Variants in NOC2L observed in about 807,000 individuals in gnomAD.
The protein encoded by NOC2L is NOC2 like nucleolar associated transcriptional repressor.
NOC2L carries 101 observed loss-of-function variants against 94.2 expected under a neutral mutation model. The observed-to-expected ratio is 1.07, with a 90% CI of 0.91 to 1.26. The LOEUF (loss-of-function observed/expected upper bound fraction) is 1.26. NOC2L is among the 50% of genes most tolerant of loss of function. The probability of loss-of-function intolerance (pLI) is 0.00; values close to 1 mark genes in which losing one functional copy is unlikely to be tolerated. For synonymous variants in NOC2L, 531 were observed against 413.4 expected (o/e 1.28, Z -3.45); for missense variants, 1,076 against 980.1 (o/e 1.10, Z -1.31).
intron 2 of NOC2L, chr1:958,090 G>A (rs1389114016): frequency 3.5e-5 from 5 of 142,020 alleles, no homozygotes; most frequent in Non-Finnish European, 1.5e-5. Flanking sequence ...TTCTCCTGAG[G>A]CGGAATCTCA....
intron 11 of NOC2L, 81 bp from the exon 12 acceptor site, chr1:951,319 C>T: frequency 1.9e-6 from 2 of 1,063,896 alleles, no homozygotes; most frequent in East Asian, 2.6e-5. Flanking sequence ...GGACCTCCTC[C>T]CCCACTCACC....
At position 948,160 on chromosome 1, in the gene NOC2L, G is replaced by A; in HGVS notation, c.1630C>T (p.Pro544Ser). 2 of 1,592,076 alleles carry A rather than the reference G, an allele frequency of 1.3e-6. No homozygotes were observed. The highest frequency in any genetic ancestry group is 2.3e-5 in the East Asian group (1 of 43,882). The stretch of plus-strand genomic sequence containing the variant: ...AGGACCACAGGCAGCACCAGCTCCG[G>A]GAAGCCGATGCAGTGTGCCTGGCTG... Reference protein sequence around the residue: ...LHSQAHCIGFPELVLPVVLQL... With the variant: ...LHSQAHCIGFSELVLPVVLQL... Residue 544 changes from proline to serine, a missense_variant, in exon 14 of 19, where the codon CCG becomes TCG. Physicochemically the swap from Pro to Ser is moderately conservative, Grantham distance 74. Around this residue, in one of 3 missense-constraint regions of NOC2L, gnomAD observed 615 missense variants for 577.4 expected, o/e 1.07. Coordinates refer to ENST00000327044, the MANE Select transcript of NOC2L (RefSeq NM_015658.4).
chr1:945,786 C>T lies in NOC2L; in HGVS notation c.1918-133G>A, dbSNP rs1642090519. The T allele has an allele frequency of 5.4e-6, 6 of 1,118,064 alleles. No homozygotes were observed. The Admixed American group carries it at 6.3e-5, about 12-fold the overall frequency. The allele number at this position is 1,118,064 out of a possible 1,614,324, so 69.3% of individuals were successfully genotyped here. A position where few individuals can be genotyped will look rare whatever the true frequency, so the allele number is the denominator to read the frequency against. On this transcript the variant is annotated intron_variant, in intron 16 of 18. Coordinates refer to ENST00000327044, the MANE Select transcript of NOC2L (RefSeq NM_015658.4). ...TCTAGTCCCCTCTGTTCCCAAATCA[C>T]AAAGCCATCCTCCAAGTTGTCCATC...
intron 10 of NOC2L, 69 bp downstream of exon 10, chr1:952,343 C>A (rs958642510): frequency 1.3e-6 from 2 of 1,572,134 alleles, no homozygotes; most frequent in Non-Finnish European, 8.7e-7. Context: ...CCAGGCCCTG[C>A]CTTGGGTCGG....
At position 956,752 on chromosome 1, in the gene NOC2L, AGCCTCAGGC is replaced by A. The variant is rs1427575619; in HGVS notation, c.486+133_486+141del. 6.6e-6 allele frequency: 8 copies of A among 1,212,300 alleles called. No individual in the cohort carries two copies. The East Asian group carries it at 1.2e-4, about 18-fold the overall frequency. 75.1% of individuals were successfully genotyped at this position (1,212,300 alleles called of 1,614,324 possible). On this transcript the variant is annotated intron_variant, in intron 4 of 18. Transcript: ENST00000327044. ...GGAGAACAGCCCCTCCCACCAGCAC[AGCCTCAGGC>A]GCCTCAGGTGAGGCAAGGCCAGATC...
intron 8 of NOC2L, 149 bp from the exon 9 acceptor site, chr1:953,437 A>T (rs1452809321): frequency 3.2e-6 from 2 of 627,662 alleles, no homozygotes; most frequent in Non-Finnish European, 5.8e-6. Context: ...TTAGGTGCTC[A>T]GTTACAGAAG....
Position 948,536 on chromosome 1 carries a change from A to G in NOC2L, c.1511T>C (p.Val504Ala). The G allele has an allele frequency of 1.2e-6, 2 of 1,613,618 alleles. No homozygotes were observed. The highest frequency in any genetic ancestry group is 1.7e-6 in the Non-Finnish European group (2 of 1,179,956). The change falls in exon 13 of 19, where the codon GTG (valine) becomes GCG (alanine). Residue 504 changes from valine to alanine, a missense_variant. Val to Ala is a moderately conservative substitution (Grantham distance 64). Coordinates refer to ENST00000327044, the MANE Select transcript of NOC2L (RefSeq NM_015658.4). Reference sequence around the variant, plus strand: ...GTTGACATTGGACAGCTTCAGGATCACGGAGAAGTTGATGGGCTTGGAGCT... The same window carrying G: ...GTTGACATTGGACAGCTTCAGGATCGCGGAGAAGTTGATGGGCTTGGAGCT... The part of the protein sequence containing the change: ...RMSSKPINFS[V>A]ILKLSNVNLQ...
chr1:953,749 T>C (rs369398885), intron 8 of NOC2L, 33 bp downstream of exon 8: 7 of 1,518,108 alleles, frequency 4.6e-6, no homozygotes, highest in Non-Finnish European at 2.7e-6. Context: ...CCCGACCCCA[T>C]GACAGACACA....
Position 956,640 on chromosome 1 carries a change from G to A in NOC2L, c.486+254C>T, listed in dbSNP as rs566606338. 2.0e-5 allele frequency among the ~76,000 whole-genome samples: 3 copies of A among 152,286 alleles called. No homozygotes were observed. The East Asian group carries it at 5.8e-4, about 30-fold the overall frequency. ...GAGCCCCTGGAATCTACCCAAAAGT[G>A]AACACACAGTCCTGGGGCAACCAAG... On this transcript the variant is annotated intron_variant, in intron 4 of 18. Coordinates refer to ENST00000327044, the MANE Select transcript of NOC2L (RefSeq NM_015658.4).
At chr1:953,033 C>T (rs980605456) in intron 9 of NOC2L, 142 bp downstream of exon 9, 7 of 644,558 alleles carry the variant, frequency 1.1e-5, no homozygotes, top group South Asian at 1.9e-5. Context: ...GTGAGACATT[C>T]GTGATCCAAG....
chr1:945,771 T>C lies in NOC2L; in HGVS notation c.1918-118A>G, dbSNP rs114362907. On this transcript the variant is annotated intron_variant, in intron 16 of 18. Transcript: ENST00000327044. The stretch of plus-strand genomic sequence containing the variant: ...CCCATGTGGCCAATTTCTAGTCCCC[T>C]CTGTTCCCAAATCACAAAGCCATCC... The C allele has an allele frequency of 2.2e-3, 2,763 of 1,266,166 alleles. 23 individuals are homozygous for C. The highest frequency in any genetic ancestry group is 0.021 in the African/African-American group (1,404 of 67,256). 78.4% of individuals were successfully genotyped at this position (1,266,166 alleles called of 1,614,324 possible).
chr1:956,036 T>C (rs373456394), intron 5 of NOC2L, 23 bp from the exon 6 acceptor site: 72 of 1,613,914 alleles, frequency 4.5e-5, no homozygotes, highest in Non-Finnish European at 5.9e-5. Context: ...GGCCTGGATG[T>C]ACTCACGGGA....
intron 6 of NOC2L, among the ~76,000 whole-genome samples, chr1:954,826 G>C (rs965054190): frequency 1.3e-5 from 2 of 151,006 alleles, no homozygotes; most frequent in Admixed American, 1.3e-4. Flanking sequence ...TATCTCGTAA[G>C]GAAAAAAAAA....
In NOC2L at chr1:953,912, G is replaced by C; in HGVS notation, c.778-20C>G. On this transcript the variant is annotated intron_variant, in intron 7 of 18. Coordinates refer to ENST00000327044, the MANE Select transcript of NOC2L (RefSeq NM_015658.4). ...CACCAGCTGGGGGCAGGAGGGGACA[G>C]TGAAGCCCCAAACCCATGTATTCTG... 1 of 1,610,516 alleles carries C rather than the reference G, an allele frequency of 6.2e-7. No individual in the cohort carries two copies. Among genetic ancestry groups the C allele is most frequent in the South Asian group, 1.1e-5 (1 of 90,934 alleles).
chr1:948,692 T>C (rs1642179668), intron 12 of NOC2L, 89 bp from the exon 13 acceptor site: 1 of 1,153,550 alleles, frequency 8.7e-7, no homozygotes, highest in Non-Finnish European at 1.3e-6. Context: ...CCTGGTCCCT[T>C]TGGCCCTGCA....
chr1:948,646 G>GTCACCCTGGCT (rs376660163), intron 12 of NOC2L, 43 bp from the exon 13 acceptor site: 1 of 787,178 alleles, frequency 1.3e-6, no homozygotes, highest in Non-Finnish European at 1.6e-6. Context: ...CCCATGCCTG[G>GTCACCCTGGCT]TCACCCTGGC....
At position 955,407 on chromosome 1, in the gene NOC2L, T is replaced by A. The variant is rs1642372556; in HGVS notation, c.698+516A>T. On this transcript the variant is annotated intron_variant, in intron 6 of 18. Transcript: ENST00000327044. ...CCCGGAACCCCAACGTGCTCCATGC[T>A]CTACCAAATGCTTGGCCGTGCGTCT... 1.3e-5 allele frequency among the ~76,000 whole-genome samples: 2 copies of A among 152,212 alleles called. 1 individual carries two copies. Among genetic ancestry groups the A allele is most frequent in the African/African-American group, 4.8e-5 (2 of 41,448 alleles).
intron 12 of NOC2L, among the ~76,000 whole-genome samples, chr1:949,478 A>G (rs1276402342): frequency 2.0e-5 from 3 of 152,190 alleles, no homozygotes; most frequent in Non-Finnish European, 4.4e-5. Flanking sequence ...GGCACCGGGG[A>G]AGGGCAGGCA....
chr1:954,254 T>A (rs1456907186), intron 6 of NOC2L, 172 bp from the exon 7 acceptor site: 1 of 606,214 alleles, frequency 1.6e-6, no homozygotes, highest in Admixed American at 3.1e-5. Context: ...ACACAGGGGC[T>A]TAGGAGGACC....
Sources: gnomAD v4.1 joint callset for allele counts (sites outside exome capture counted in the v4.1 genomes callset) on GRCh38, gnomAD v4.1.1 for gene constraint, gnomAD v4.1.1 regional missense constraint, MANE v1.5 for transcripts, NCBI Gene and HGNC (gene_info 2026-07-23, HGNC 2026-07-21) for gene names.